The following TNRC18 variants were observed in gnomAD, a reference collection of about 807,000 sequenced individuals.
TNRC18 encodes trinucleotide repeat containing 18.
TNRC18 carries 69 observed loss-of-function variants against 226.7 expected under a neutral mutation model. The observed-to-expected ratio is 0.30, with a 90% confidence interval of 0.25 to 0.37. The LOEUF is 0.37. Among genes scored for constraint, TNRC18 ranks in the 10% least tolerant of loss-of-function variants. The pLI, the probability that TNRC18 is intolerant of heterozygous loss-of-function variation, is 1.00. For synonymous variants in TNRC18, 2,449 were observed against 1,927.6 expected (o/e 1.27, Z -7.09); for missense variants, 4,754 against 4,256.6 (o/e 1.12, Z -3.25).
chr7:5,317,660 A>C (rs1787984043), intron 24 of TNRC18, among the ~76,000 whole-genome samples: 1 of 152,040 alleles, frequency 6.6e-6, no homozygotes, highest in Non-Finnish European at 1.5e-5. Flanking sequence ...TGTGTTGATA[A>C]AACAAAAAAA....
chr7:5,313,184 G>GCTACTGCTGCCA lies in TNRC18; in HGVS notation c.7695_7706dup (p.Gly2566_Ser2569dup), dbSNP rs1273433832. On this transcript the variant is annotated inframe_insertion, in exon 27 of 30. Coordinates refer to ENST00000430969, the MANE Select transcript of TNRC18 (RefSeq NM_001080495.3). ...CGCTGCTGCTGCTGCTGCTGCTGCT[G>GCTACTGCTGCCA]CTACTGCTGCCACTACTGCTGCTGC... The GCTACTGCTGCCA allele has an allele frequency of 2.1e-5, 32 of 1,541,456 alleles. No individual in the cohort carries two copies. The highest frequency in any genetic ancestry group is 2.8e-5 in the Non-Finnish European group (32 of 1,143,024).
intron 18 of TNRC18, among the ~76,000 whole-genome samples, chr7:5,336,147 C>A (rs1456103273): frequency 6.6e-6 from 1 of 151,554 alleles, no homozygotes; most frequent in Admixed American, 6.6e-5. Flanking sequence ...GCGGAGGTTG[C>A]CATGAGCAGA....
intron 5 of TNRC18, among the ~76,000 whole-genome samples, chr7:5,383,815 C>T (rs1446196608): frequency 2.0e-5 from 3 of 151,964 alleles, no homozygotes; most frequent in African/African-American, 7.3e-5. Flanking sequence ...CTTTTAGAGA[C>T]CGGGTCTCAC....
Position 5,385,285 on chromosome 7 carries a change from G to A in TNRC18, c.2152+2387C>T, listed in dbSNP as rs933804221. 5.9e-5 allele frequency among the ~76,000 whole-genome samples: 9 copies of A among 152,218 alleles called. No homozygotes were observed. In the South Asian group the frequency reaches 8.3e-4, roughly 14 times the overall value. ...GCAGATCACTTGAGGTCAGGAGATC[G>A]AGACCATCCTGGCTAACAAGGTGAA... On this transcript the variant is annotated intron_variant, in intron 5 of 29. Coordinates refer to ENST00000430969, the MANE Select transcript of TNRC18 (RefSeq NM_001080495.3).
In TNRC18 at chr7:5,333,175, C is replaced by G. The variant is rs982453829; in HGVS notation, c.5720-126G>C. On this transcript the variant is annotated intron_variant, in intron 18 of 29. Coordinates refer to ENST00000430969, the MANE Select transcript of TNRC18 (RefSeq NM_001080495.3). ...CCAATGGCAGCGCTTCTGCCCGTTTCCAGGAGAGGAAACTGAGGCCCAGAG... is the reference window on the plus strand; with the variant it reads ...CCAATGGCAGCGCTTCTGCCCGTTTGCAGGAGAGGAAACTGAGGCCCAGAG... 19 of 1,119,756 alleles carry G rather than the reference C, an allele frequency of 1.7e-5. No individual in the cohort carries two copies. The East Asian group carries it at 3.6e-4, about 21-fold the overall frequency. 69.4% of individuals were successfully genotyped at this position (1,119,756 alleles called of 1,614,324 possible).
rs1780035142 is a variant in TNRC18 at position 5,388,829 on chromosome 7, G to C, written c.995C>G (p.Pro332Arg). ...CGCGGGCGGCGGGGGCAGCGGTGAG[G>C]GGCAGGGGCGCGGCCCAGGGAGCAG... Reference protein sequence around the residue: ...ETLLPGPRPCPSPLPPPPAPP... With the variant: ...ETLLPGPRPCRSPLPPPPAPP... Residue 332 changes from proline (P) to arginine (R), a missense_variant, in exon 5 of 30, where the codon CCC becomes CGC. By Grantham distance (103) the Pro-to-Arg change is moderately radical. Coordinates refer to ENST00000430969, the MANE Select transcript of TNRC18 (RefSeq NM_001080495.3). The C allele has an allele frequency of 3.3e-6, 4 of 1,203,842 alleles. No individual in the cohort carries two copies. Among genetic ancestry groups the C allele is most frequent in the Non-Finnish European group, 4.1e-6 (4 of 968,040 alleles). The allele number at this position is 1,203,842 out of a possible 1,614,324, so 74.6% of individuals were successfully genotyped here. A position where few individuals can be genotyped will look rare whatever the true frequency, so the allele number is the denominator to read the frequency against.
At position 5,409,647 on chromosome 7, in the gene TNRC18, A is replaced by C. The variant is rs187387640; in HGVS notation, c.187+11413T>G. 1.8e-3 allele frequency among the ~76,000 whole-genome samples: 281 copies of C among 152,094 alleles called. 1 individual carries two copies. The highest frequency in any genetic ancestry group is 6.0e-3 in the African/African-American group (248 of 41,494). On this transcript the variant is annotated intron_variant, in intron 2 of 29. Transcript: ENST00000430969. ...AAGATACCATTAAGAAAATATTAAGAAAATCTCCTAGAAAGAAGAAACTGC... is the reference window on the plus strand; with the variant it reads ...AAGATACCATTAAGAAAATATTAAGCAAATCTCCTAGAAAGAAGAAACTGC...
chr7:5,412,006 G>A (rs924293564), intron 2 of TNRC18, among the ~76,000 whole-genome samples: 5 of 151,890 alleles, frequency 3.3e-5, no homozygotes, highest in East Asian at 1.9e-4. Context: ...GCAACATAGC[G>A]AGAGACCCCA....
intron 2 of TNRC18, among the ~76,000 whole-genome samples, chr7:5,410,326 AAAAAG>A (rs908364459): frequency 2.0e-5 from 3 of 151,240 alleles, no homozygotes; most frequent in African/African-American, 7.3e-5. Context: ...AAAAAAAAAA[AAAAAG>A]AAAAGAAAAA....
rs1788699250 is a variant in TNRC18, at chr7:5,324,507, G to A, written c.6301-152C>T. On this transcript the variant is annotated intron_variant, in intron 20 of 29. Coordinates refer to ENST00000430969, the MANE Select transcript of TNRC18 (RefSeq NM_001080495.3). The surrounding 1 kb of genome is among the most constrained non-coding windows in gnomAD (Gnocchi z 4.8). ...GGATCCCAGTTAGGGGCACCCCAGAGGCCAGGGGGAAGGTGAAATGGGCCC... is the reference window on the plus strand; with the variant it reads ...GGATCCCAGTTAGGGGCACCCCAGAAGCCAGGGGGAAGGTGAAATGGGCCC... Among the ~76,000 whole-genome samples, 1 of 152,194 alleles carries A rather than the reference G, an allele frequency of 6.6e-6. No individual in the cohort carries two copies.
At chr7:5,375,650 C>T (rs1238806798) in intron 9 of TNRC18, among the ~76,000 whole-genome samples, 1 of 152,144 alleles carries the variant, frequency 6.6e-6, no homozygotes, top group East Asian at 1.9e-4. Context: ...CCTCCTTGTG[C>T]CTCTCCGAGA....
At chr7:5,360,376 C>T (rs988773457) in intron 14 of TNRC18, among the ~76,000 whole-genome samples, 1 of 152,108 alleles carries the variant, frequency 6.6e-6, no homozygotes, top group South Asian at 2.1e-4. Context: ...ATTACAGGCA[C>T]ACACCACCAC....
intron 19 of TNRC18, among the ~76,000 whole-genome samples, chr7:5,330,778 A>T (rs965055468): frequency 1.5e-4 from 23 of 152,004 alleles, no homozygotes; most frequent in Non-Finnish European, 2.9e-5. Context: ...GGCTCAAGAG[A>T]TTCTCCTGCC....
chr7:5,382,805 T>C (rs1002779554), intron 5 of TNRC18, among the ~76,000 whole-genome samples: 5 of 151,598 alleles, frequency 3.3e-5, no homozygotes, highest in Non-Finnish European at 7.4e-5. Flanking sequence ...ATGGGGAGAG[T>C]AACAGCCCCT....
chr7:5,321,490 C>A (rs561005992), intron 21 of TNRC18, among the ~76,000 whole-genome samples: 184 of 152,184 alleles, frequency 1.2e-3, no homozygotes, highest in Non-Finnish European at 2.1e-3. Context: ...TGAAAGCCTG[C>A]ACCTGCTGCC....
At position 5,315,819 on chromosome 7, in the gene TNRC18, C is replaced by T. The variant is rs550144280; in HGVS notation, c.6862+137G>A. ...AGGAGCCCTGAGATCTCACGGGAGC[C>T]CACCCATGGCTTCTGCTGCTTCCAT... On this transcript the variant is annotated intron_variant, in intron 25 of 29. Transcript: ENST00000430969. 5 of 612,474 alleles carry T rather than the reference C, an allele frequency of 8.2e-6. 1 individual carries two copies. The highest frequency in any genetic ancestry group is 1.3e-5 in the Non-Finnish European group (5 of 371,590). The allele number at this position is 612,474 out of a possible 1,614,324, so 37.9% of individuals were successfully genotyped here.
At chr7:5,349,276 G>C (rs1161399047) in intron 17 of TNRC18, among the ~76,000 whole-genome samples, 3 of 152,312 alleles carry the variant, frequency 2.0e-5, no homozygotes, top group South Asian at 4.1e-4. Context: ...CAGCAGGCTG[G>C]GGAGCAGAGG....
At position 5,423,664 on chromosome 7, in the gene TNRC18, G is replaced by GGCCCGGCTCCCGCA. The variant is rs1782700548; in HGVS notation, c.-481_-468dup. 1 of 151,910 alleles carries GGCCCGGCTCCCGCA rather than the reference G, an allele frequency of 6.6e-6. No individual in the cohort carries two copies. Among genetic ancestry groups the GGCCCGGCTCCCGCA allele is most frequent in the Admixed American group, 6.6e-5 (1 of 15,260 alleles). 9.4% of individuals were successfully genotyped at this position (151,910 alleles called of 1,614,324 possible). A position where few individuals can be genotyped will look rare whatever the true frequency, so the allele number is the denominator to read the frequency against. On this transcript the variant is annotated 5_prime_UTR_variant, in exon 1 of 30. The change creates a premature stop within an existing upstream ORF in the 5' untranslated region. Coordinates refer to ENST00000430969, the MANE Select transcript of TNRC18 (RefSeq NM_001080495.3). ...CGCGCCAACTCCTCCGCCCTCCCGCGGCCCGGCTCCCGCAGCCCCCGGAAA... is the reference window on the plus strand; with the variant it reads ...CGCGCCAACTCCTCCGCCCTCCCGCGGCCCGGCTCCCGCAGCCCGGCTCCCGCAGCCCCCGGAAA...
In TNRC18 at chr7:5,376,111, G is replaced by A. The variant is rs1562575304; in HGVS notation, c.2722C>T (p.Leu908=). ...AGGTACAGGAACTCCTGCTGCCGCA[G>A]GAAGTGCTGCTGTGAGAAGAGCTGC... is the stretch of plus-strand genomic sequence containing the variant. ...QLQLFSQQHF[L]RQQEFLYLQQ... Residue 908 remains leucine, a synonymous_variant, in exon 9 of 30, where the codon CTG becomes TTG. Coordinates refer to ENST00000430969, the MANE Select transcript of TNRC18 (RefSeq NM_001080495.3). 2 of 1,592,240 alleles carry A rather than the reference G, an allele frequency of 1.3e-6. No individual in the cohort carries two copies. The highest frequency in any genetic ancestry group is 1.7e-6 in the Non-Finnish European group (2 of 1,170,314).
Sources: allele counts gnomAD v4.1 joint callset (sites outside exome capture counted in the v4.1 genomes callset), GRCh38; gene constraint gnomAD v4.1.1; non-coding constraint Gnocchi (gnomAD v3.1); transcripts MANE v1.5; gene names NCBI Gene and HGNC (gene_info 2026-07-23, HGNC 2026-07-21).